DLG2: variants seen among roughly 807,000 people sequenced by gnomAD.
The protein encoded by DLG2 is discs large MAGUK scaffold protein 2.
A neutral mutation model predicts 132.5 loss-of-function variants in DLG2; 45 were observed. The ratio of observed to expected loss-of-function variants is 0.34; its 90% CI spans 0.27 to 0.44. The LOEUF is 0.44. Among genes scored for constraint, DLG2 ranks in the 20% least tolerant of loss-of-function variants. DLG2 has a pLI of 1.00. For missense variants in DLG2, 1,045 were observed against 1,196.9 expected, an observed-to-expected ratio of 0.87 and a Z score of 1.87; for synonymous variants, 424 against 419.6, an observed-to-expected ratio of 1.01 and a Z score of -0.13.
chr11:84,196,388 A>T (rs2096517362), intron 8 of DLG2, among the ~76,000 whole-genome samples: 2 of 152,248 alleles, frequency 1.3e-5, no homozygotes, highest in Admixed American at 6.5e-5. Flanking sequence ...CTAGGCAAGG[A>T]GAACTGTGTG....
chr11:84,171,837 T>C (rs2095830952), intron 8 of DLG2, among the ~76,000 whole-genome samples: 1 of 152,182 alleles, frequency 6.6e-6, no homozygotes, highest in Non-Finnish European at 1.5e-5. Flanking sequence ...AAGCTCTAAA[T>C]AGGACAAAAC....
At chr11:85,183,509 G>A (rs1403018352) in intron 4 of DLG2, among the ~76,000 whole-genome samples, 1 of 151,848 alleles carries the variant, frequency 6.6e-6, no homozygotes, top group Non-Finnish European at 1.5e-5. Context: ...GCCAAAATTT[G>A]ATTTCAGAAA....
chr11:83,472,811 T>C (rs1274792194), intron 22 of DLG2, 34 bp from the exon 23 acceptor site: 3 of 1,573,076 alleles, frequency 1.9e-6, no homozygotes, highest in Admixed American at 3.4e-5. Flanking sequence ...CACAGTGAAC[T>C]AACAGTCATA....
At position 85,598,797 on chromosome 11, in the gene DLG2, C is replaced by G. The variant is rs1172967374; in HGVS notation, c.-92-9G>C. 3.9e-5 allele frequency: 31 copies of G among 794,188 alleles called. No individual in the cohort carries two copies. The East Asian group carries it at 9.3e-4, about 24-fold the overall frequency. The allele number at this position is 794,188 out of a possible 1,614,324, so 49.2% of individuals were successfully genotyped here. ...TAAAGCTCGGTCAGTATCTGAAAAACATGATATTATTATTATATTTTATGG... is the reference window on the plus strand; with the variant it reads ...TAAAGCTCGGTCAGTATCTGAAAAAGATGATATTATTATTATATTTTATGG... On this transcript the variant is annotated splice_polypyrimidine_tract_variant and intron_variant, in intron 2 of 27. Transcript: ENST00000376104.
At chr11:84,351,145 C>G (rs2098566279) in intron 7 of DLG2, among the ~76,000 whole-genome samples, 2 of 151,990 alleles carry the variant, frequency 1.3e-5, no homozygotes, top group African/African-American at 4.8e-5. Context: ...AAGTTTATTT[C>G]AAATCTTACA....
At chr11:84,141,608 C>T (rs1187018164) in intron 9 of DLG2, among the ~76,000 whole-genome samples, 1 of 152,030 alleles carries the variant, frequency 6.6e-6, no homozygotes, top group Non-Finnish European at 1.5e-5. Context: ...CTTTTGGACT[C>T]CAGATTTTCC....
chr11:84,908,171 T>C (rs1178515749), intron 6 of DLG2, among the ~76,000 whole-genome samples: 8 of 152,108 alleles, frequency 5.3e-5, no homozygotes, highest in Non-Finnish European at 1.2e-4. Context: ...ATATATGTAA[T>C]TTTAAATTTT....
At chr11:83,744,167 GC>G (rs1384975026) in intron 18 of DLG2, among the ~76,000 whole-genome samples, 6 of 152,270 alleles carry the variant, frequency 3.9e-5, no homozygotes, top group Non-Finnish European at 7.4e-5. Context: ...TAATATAACT[GC>G]TTTCTAATCC....
chr11:83,859,502 G>C (rs2154045652), intron 16 of DLG2, among the ~76,000 whole-genome samples: 1 of 152,304 alleles, frequency 6.6e-6, no homozygotes, highest in South Asian at 2.1e-4. Flanking sequence ...TTGTACTTGA[G>C]AGAGATGATT....
At chr11:84,676,073 T>C (rs948357543) in intron 6 of DLG2, among the ~76,000 whole-genome samples, 1 of 152,074 alleles carries the variant, frequency 6.6e-6, no homozygotes, top group African/African-American at 2.4e-5. Flanking sequence ...CCTTTACTAG[T>C]AACAAGGGTG....
intron 6 of DLG2, among the ~76,000 whole-genome samples, chr11:84,824,391 CT>C (rs1566063781): frequency 6.6e-6 from 1 of 151,830 alleles, no homozygotes; most frequent in Non-Finnish European, 1.5e-5. Flanking sequence ...TTTTCAGTAA[CT>C]GTGAAATGTT....
Position 85,123,200 on chromosome 11 carries a change from A to G in DLG2, c.283-11465T>C, listed in dbSNP as rs2074636409. Among the ~76,000 whole-genome samples, 3 of 151,166 alleles carry G rather than the reference A, an allele frequency of 2.0e-5. No homozygotes were observed. The South Asian group carries it at 6.3e-4, about 31-fold the overall frequency. ...CACCGTGTTAGCAAGGATGGTCTCG[A>G]TTTCCTGACCTCGTGATCCGCCCGC... On this transcript the variant is annotated intron_variant, in intron 5 of 27. Transcript: ENST00000376104.
chr11:84,899,672 C>A (rs889244126), intron 6 of DLG2, among the ~76,000 whole-genome samples: 2 of 151,992 alleles, frequency 1.3e-5, no homozygotes, highest in East Asian at 3.9e-4. Context: ...ATTCCAATTC[C>A]CCTAGAAATG....
At chr11:83,594,642 G>C (rs1438583937) in intron 19 of DLG2, among the ~76,000 whole-genome samples, 3 of 152,138 alleles carry the variant, frequency 2.0e-5, no homozygotes, top group Non-Finnish European at 4.4e-5. Context: ...CATGTATAAA[G>C]GATACTTAGA....
intron 6 of DLG2, among the ~76,000 whole-genome samples, chr11:84,715,065 A>C (rs2061053368): frequency 6.6e-6 from 1 of 152,028 alleles, no homozygotes; most frequent in Non-Finnish European, 1.5e-5. Flanking sequence ...AAAAGGTCCA[A>C]ATACTCACCA....
intron 18 of DLG2, among the ~76,000 whole-genome samples, chr11:83,759,612 C>T (rs996284253): frequency 1.3e-5 from 2 of 152,080 alleles, no homozygotes; most frequent in Non-Finnish European, 2.9e-5. Flanking sequence ...GGCTGTCATA[C>T]CACCCTACCT....
At chr11:84,315,400 C>T (rs1440031233) in intron 7 of DLG2, among the ~76,000 whole-genome samples, 1 of 152,128 alleles carries the variant, frequency 6.6e-6, no homozygotes, top group Admixed American at 6.5e-5. Flanking sequence ...GCTTTCTCTG[C>T]TCTGTGCAAC....
intron 7 of DLG2, among the ~76,000 whole-genome samples, chr11:84,434,912 C>A (rs1314546261): frequency 7.2e-6 from 1 of 139,304 alleles, no homozygotes. Flanking sequence ...TAAACTGTCA[C>A]CTACTGAAAA....
At chr11:84,726,038 A>C (rs1467577250) in intron 6 of DLG2, among the ~76,000 whole-genome samples, 2 of 152,080 alleles carry the variant, frequency 1.3e-5, no homozygotes, top group Non-Finnish European at 2.9e-5. Flanking sequence ...GCAATGATAC[A>C]TTCTCAGACC....
Sources: gnomAD v4.1 joint callset for allele counts (sites outside exome capture counted in the v4.1 genomes callset) on GRCh38, gnomAD v4.1.1 for gene constraint, MANE v1.5 for transcripts, NCBI Gene and HGNC (gene_info 2026-07-23, HGNC 2026-07-21) for gene names.